Variants in CELF2 observed in about 807,000 individuals in gnomAD.
CELF2 encodes CUGBP Elav-like family member 2, also known as CUG triplet repeat RNA-binding protein 2.
In CELF2, 8 loss-of-function variants were observed where a neutral mutation model predicts 62.6. That is an observed-to-expected ratio of 0.13 (90% CI 0.07 to 0.23). The LOEUF (loss-of-function observed/expected upper bound fraction) is 0.23, where lower values mean the gene tolerates loss of function less well. Ranked by LOEUF, CELF2 falls within the 10% of genes least tolerant of loss-of-function variation. The pLI, the probability that CELF2 is intolerant of heterozygous loss-of-function variation, is 1.00. For missense variants in CELF2, 333 were observed against 671.0 expected (o/e 0.50, Z 5.56); for synonymous variants, 258 against 250.0 (o/e 1.03, Z -0.30).
rs2065676497 is a variant in CELF2, at chr10:10,927,773, G to A, written c.89+7774G>A. Among the ~76,000 whole-genome samples the A allele has an allele frequency of 3.3e-5, 5 of 151,930 alleles. No individual in the cohort carries two copies. The South Asian group carries it at 1.0e-3, about 32-fold the overall frequency. On this transcript the variant is annotated intron_variant, in intron 2 of 13. Coordinates refer to the CELF2 transcript ENST00000636488. ...GTCTACTTTCTCTCTCTCTTTCCAA[G>A]CCACCATAAACTCCCACCTGAACTG...
intron 1 of CELF2, among the ~76,000 whole-genome samples, chr10:10,916,794 G>T (rs1483969032): frequency 6.6e-6 from 1 of 152,018 alleles, no homozygotes; most frequent in African/African-American, 2.4e-5. Flanking sequence ...TGTATTTTTA[G>T]TACAGATGGG....
At chr10:11,190,633 A>C (rs1470869222) in intron 2 of CELF2, among the ~76,000 whole-genome samples, 4 of 152,032 alleles carry the variant, frequency 2.6e-5, no homozygotes, top group Admixed American at 6.5e-5. Context: ...AAAAAAATTC[A>C]CAAAGTAGGC....
chr10:10,691,985 T>C, the CELF2 span, among the ~76,000 whole-genome samples: 2 of 151,972 alleles, frequency 1.3e-5, no homozygotes, highest in Non-Finnish European at 2.9e-5. Context: ...GTAGTTCCTT[T>C]TTGCTGTGCA....
At position 11,165,210 on chromosome 10, in the gene CELF2, T is replaced by G. The variant is rs1406247510; in HGVS notation, c.75-276T>G. The G allele has an allele frequency of 7.8e-7, 1 of 1,288,080 alleles. No individual in the cohort carries two copies. Among genetic ancestry groups the G allele is most frequent in the Admixed American group, 3.8e-5 (1 of 26,480 alleles). 79.8% of individuals were successfully genotyped at this position (1,288,080 alleles called of 1,614,324 possible). On this transcript the variant is annotated intron_variant, in intron 1 of 12. Transcript: ENST00000633077. This position sits in a 1 kb window ranked among gnomAD's most constrained non-coding sequence, Gnocchi z 7.4. ...GCAGCTGCCTCCCGAGCCTCCAAGA[T>G]GTCCACGCCCTGGGTGACAGGCGGC...
In CELF2 at chr10:11,314,230, T is replaced by A; in HGVS notation, c.1068T>A (p.Val356=). 1 of 1,614,228 alleles carries A rather than the reference T, an allele frequency of 6.2e-7. No homozygotes were observed. The highest frequency in any genetic ancestry group is 8.5e-7 in the Non-Finnish European group (1 of 1,180,032). ...GTLQGLAGAT[V]GLNNINALAV... is the part of the protein sequence containing the mutation. Reference sequence around the variant, plus strand: ...TGCAAGGACTGGCTGGAGCCACTGTTGGACTGAATAATATTAATGCACTAG... The same window carrying A: ...TGCAAGGACTGGCTGGAGCCACTGTAGGACTGAATAATATTAATGCACTAG... The change falls in exon 10 of 13, where the codon GTT becomes GTA. Residue 356 remains valine, a synonymous_variant. Transcript: ENST00000633077. This position sits in a 1 kb window ranked among gnomAD's most constrained non-coding sequence, Gnocchi z 5.3.
chr10:10,893,827 G>C (rs1445374305), intron 1 of CELF2, among the ~76,000 whole-genome samples: 4 of 152,080 alleles, frequency 2.6e-5, no homozygotes, highest in Admixed American at 2.0e-4. Context: ...CAGCACCGAG[G>C]GGATGGCGCT....
chr10:11,186,782 A>G (rs2134250922), intron 2 of CELF2, among the ~76,000 whole-genome samples: 1 of 152,324 alleles, frequency 6.6e-6, no homozygotes, highest in Non-Finnish European at 1.5e-5. Context: ...CAAAAATCTG[A>G]AAGCAAAAAT....
At chr10:10,592,503 G>A in the CELF2 span, among the ~76,000 whole-genome samples, 1 of 152,082 alleles carries the variant, frequency 6.6e-6, no homozygotes, top group Non-Finnish European at 1.5e-5. Context: ...AACCCAAAAT[G>A]TTAAAGTCTC....
intron 2 of CELF2, among the ~76,000 whole-genome samples, chr10:10,924,268 C>T (rs1452796606): frequency 4.3e-4 from 45 of 104,972 alleles, no homozygotes; most frequent in African/African-American, 1.3e-3. Flanking sequence ...GGCAACACAG[C>T]GAGACTCCGT....
Position 11,331,531 on chromosome 10 carries a change from A to G in CELF2, c.*2478A>G, listed in dbSNP as rs1294332760. 1 of 151,658 alleles carries G rather than the reference A, an allele frequency of 6.6e-6. No homozygotes were observed. Among genetic ancestry groups the G allele is most frequent in the African/African-American group, 2.4e-5 (1 of 41,232 alleles). The allele number at this position is 151,658 out of a possible 1,614,324, so 9.4% of individuals were successfully genotyped here. On this transcript the variant is annotated 3_prime_UTR_variant, in exon 13 of 13. Coordinates refer to ENST00000633077, the MANE Select transcript of CELF2 (RefSeq NM_001326342.2). ...AAAGGTACTTCCTTCCTAGAGCTTC[A>G]GTGTGTTTCTTGTGAGAAGTAATTT...
At chr10:10,536,089 G>A in the CELF2 span, among the ~76,000 whole-genome samples, 4 of 149,412 alleles carry the variant, frequency 2.7e-5, no homozygotes, top group African/African-American at 7.4e-5. Flanking sequence ...GTGCGATCTC[G>A]ACTCATTGCA....
At chr10:11,050,486 G>A (rs932362831) in intron 1 of CELF2, among the ~76,000 whole-genome samples, 56 of 152,150 alleles carry the variant, frequency 3.7e-4, no homozygotes, top group Admixed American at 1.6e-3. Flanking sequence ...ATGGAGTGTC[G>A]GTTCTAATTT....
chr10:11,061,150 A>G (rs552112386), intron 1 of CELF2, among the ~76,000 whole-genome samples: 3 of 152,260 alleles, frequency 2.0e-5, no homozygotes, highest in Non-Finnish European at 4.4e-5. Context: ...GGTAAATGCA[A>G]AGGAAAAGTT....
At chr10:10,958,906 T>C (rs1469927613) in intron 2 of CELF2, among the ~76,000 whole-genome samples, 1 of 152,092 alleles carries the variant, frequency 6.6e-6, no homozygotes, top group Non-Finnish European at 1.5e-5. Context: ...TATGTATGTA[T>C]GGCGCTTTGG....
chr10:10,963,363 G>A (rs2049759886), intron 2 of CELF2, among the ~76,000 whole-genome samples: 1 of 152,056 alleles, frequency 6.6e-6, no homozygotes, highest in African/African-American at 2.4e-5. Flanking sequence ...CCAGGAAATA[G>A]TTTTATTCAA....
intron 1 of CELF2, among the ~76,000 whole-genome samples, chr10:10,848,542 T>C (rs1251461467): frequency 6.6e-6 from 1 of 152,194 alleles, no homozygotes; most frequent in Non-Finnish European, 1.5e-5. Flanking sequence ...ATTAAAGTAA[T>C]TCAGAGCCAC....
intron 1 of CELF2, among the ~76,000 whole-genome samples, chr10:11,059,985 C>CT (rs2066327188): frequency 6.6e-6 from 1 of 152,176 alleles, no homozygotes; most frequent in Non-Finnish European, 1.5e-5. Context: ...TTCTTGGATT[C>CT]TTTTTATTTA....
chr10:10,747,105 T>C, the CELF2 span, among the ~76,000 whole-genome samples: 1 of 152,150 alleles, frequency 6.6e-6, no homozygotes, highest in African/African-American at 2.4e-5. Flanking sequence ...TCTTGCGGAG[T>C]TTAGAAAAAT....
rs1266356277 is a variant in CELF2, at chr10:11,318,837, C to T, written c.1097-2352C>T. On this transcript the variant is annotated intron_variant, in intron 10 of 12. Coordinates refer to ENST00000633077, the MANE Select transcript of CELF2 (RefSeq NM_001326342.2). The surrounding 1 kb of genome is among the most constrained non-coding windows in gnomAD (Gnocchi z 5.4). ...AAATGCCACCTGTGTATCTGGCACT[C>T]TGGAGAAGCCGAGTCGTGGAGGCTG... 1 of 471,154 alleles carries T rather than the reference C, an allele frequency of 2.1e-6. No individual in the cohort carries two copies. Among genetic ancestry groups the T allele is most frequent in the Non-Finnish European group, 4.4e-6 (1 of 227,076 alleles). The allele number at this position is 471,154 out of a possible 1,614,324, so 29.2% of individuals were successfully genotyped here.
Sources: gnomAD v4.1 joint callset for allele counts (sites outside exome capture counted in the v4.1 genomes callset) on GRCh38, gnomAD v4.1.1 for gene constraint, Gnocchi (gnomAD v3.1) non-coding constraint, MANE v1.5 for transcripts, NCBI Gene and HGNC (gene_info 2026-07-23, HGNC 2026-07-21) for gene names.